CARNS1: variants seen among roughly 807,000 people sequenced by gnomAD.
CARNS1 encodes the protein ATP-grasp domain containing 1.
In CARNS1, 61 loss-of-function variants were observed where a neutral mutation model predicts 74.0. The ratio of observed to expected loss-of-function variants is 0.82; its 90% CI spans 0.67 to 1.02. The LOEUF (loss-of-function observed/expected upper bound fraction) is 1.02, where lower values mean the gene tolerates loss of function less well. CARNS1 is among the 50% of genes least tolerant of loss of function. The pLI is 0.00. For missense variants in CARNS1, 1,278 were observed against 1,308.4 expected (o/e 0.98, Z 0.36); for synonymous variants, 568 against 605.5 (o/e 0.94, Z 0.91).
intron 7 of CARNS1, 44 bp from the exon 8 acceptor site, chr11:67,420,565 G>C: frequency 2.6e-6 from 3 of 1,159,870 alleles, no homozygotes; most frequent in Admixed American, 4.2e-5. Flanking sequence ...GTGCGTGGGG[G>C]GCAGGGAGTG....
Position 67,424,874 on chromosome 11 carries a change from C to G in CARNS1, c.*273C>G. 1.6e-6 allele frequency: 1 copy of G among 630,302 alleles called. No individual in the cohort carries two copies. Among genetic ancestry groups the G allele is most frequent in the Non-Finnish European group, 2.9e-6 (1 of 341,810 alleles). 39.0% of individuals were successfully genotyped at this position (630,302 alleles called of 1,614,324 possible). A position where few individuals can be genotyped will look rare whatever the true frequency, so the allele number is the denominator to read the frequency against. ...AAATGACAATGGCCACACACACACA[C>G]ACACACACACACACACACCTCTGAC... On this transcript the variant is annotated 3_prime_UTR_variant, in exon 10 of 10. Transcript: ENST00000687366.
Position 67,419,499 on chromosome 11 carries a change from C to G in CARNS1, c.865C>G (p.Leu289Val). The change falls in exon 6 of 10, where the codon CTC becomes GTC. Residue 289 changes from leucine to valine, a missense_variant. Leu to Val is a conservative substitution (Grantham distance 32, BLOSUM62 1). Transcript: ENST00000687366. ...CTCCTTGCTGCAGGTAGCTGTGAAG[C>G]TCAGTGGCTGGCGCTGGCGGGGGCG... ...LGDILQVAVK[L>V]SGWRWRGRQA... The G allele has an allele frequency of 6.2e-7, 1 of 1,612,302 alleles. No individual in the cohort carries two copies. The highest frequency in any genetic ancestry group is 8.5e-7 in the Non-Finnish European group (1 of 1,179,636).
intron 2 of CARNS1, 159 bp from the exon 3 acceptor site, chr11:67,417,248 G>A (rs944714627): frequency 3.2e-6 from 4 of 1,236,432 alleles, no homozygotes; most frequent in Non-Finnish European, 4.0e-6. Context: ...CCATTAACAA[G>A]CCTTCGCCCC....
Position 67,419,548 on chromosome 11 carries a change from G to A in CARNS1, c.914G>A (p.Arg305Gln), listed in dbSNP as rs568921519. The change falls in exon 6 of 10, where the codon CGG (arginine) becomes CAG (glutamine). Residue 305 changes from arginine to glutamine, a missense_variant. By Grantham distance (43) the Arg-to-Gln change is conservative. Around this residue, in one of 3 missense-constraint regions of CARNS1, gnomAD observed 1,164 missense variants for 1,156.5 expected, o/e 1.01. Coordinates refer to ENST00000687366, the MANE Select transcript of CARNS1 (RefSeq NM_001166222.2). ...RGRQAWRLHP[R>Q]AELGAVVDTV... ...CGGCAGGCATGGCGTCTGCACCCGCGGGCAGAGCTGGGTGCAGTGGTGGAC... is the reference window on the plus strand; with the variant it reads ...CGGCAGGCATGGCGTCTGCACCCGCAGGCAGAGCTGGGTGCAGTGGTGGAC... 1.1e-4 allele frequency: 177 copies of A among 1,607,274 alleles called. No homozygotes were observed. Among genetic ancestry groups the A allele is most frequent in the African/African-American group, 1.5e-4 (11 of 74,982 alleles).
At position 67,424,300 on chromosome 11, in the gene CARNS1, C is replaced by A; in HGVS notation, c.2552C>A (p.Thr851Asn). The change falls in exon 10 of 10, where the codon ACC becomes AAC. Residue 851 changes from threonine to asparagine, a missense_variant. Coordinates refer to ENST00000687366, the MANE Select transcript of CARNS1 (RefSeq NM_001166222.2). ...TGTGGCTTGCGTCCTGCCCTGCCCA[C>A]CCGCCCACGTGCTCGTGGCCATCTG... ...VACGLRPALP[T>N]RPRARGHLVG... 6.2e-7 allele frequency: 1 copy of A among 1,612,150 alleles called. No homozygotes were observed. Among genetic ancestry groups the A allele is most frequent in the Non-Finnish European group, 8.5e-7 (1 of 1,179,534 alleles).
rs780341051 is a variant in CARNS1, at chr11:67,418,845, G to T, written c.454G>T (p.Ala152Ser). ...PGEAALLVSK[A>S]VSFHPGGLTF... The stretch of plus-strand genomic sequence containing the variant: ...TGAGGCAGCCCTGCTAGTCTCCAAG[G>T]CTGTGAGCTTCCACCCTGGGGGCCT... Residue 152 changes from alanine (A) to serine (S), a missense_variant, in exon 5 of 10, where the codon GCT becomes TCT. Physicochemically the swap from Ala to Ser is moderately conservative, Grantham distance 99 (BLOSUM62 1). Coordinates refer to ENST00000687366, the MANE Select transcript of CARNS1 (RefSeq NM_001166222.2). 19 of 1,601,028 alleles carry T rather than the reference G, an allele frequency of 1.2e-5. No individual in the cohort carries two copies. The Admixed American group carries it at 3.3e-4, about 27-fold the overall frequency.
chr11:67,417,949 G>T (rs1463213755), intron 3 of CARNS1, among the ~76,000 whole-genome samples: 1 of 152,318 alleles, frequency 6.6e-6, no homozygotes, highest in African/African-American at 2.4e-5. Flanking sequence ...GTGTGGCACC[G>T]AAGCTTCTAG....
In CARNS1 at chr11:67,421,073, G is replaced by C. The variant is rs1863684356; in HGVS notation, c.1480G>C (p.Asp494His). 1 of 1,368,972 alleles carries C rather than the reference G, an allele frequency of 7.3e-7. No individual in the cohort carries two copies. The highest frequency in any genetic ancestry group is 1.5e-5 in the African/African-American group (1 of 65,204). 84.8% of individuals were successfully genotyped at this position (1,368,972 alleles called of 1,614,324 possible). A position where few individuals can be genotyped will look rare whatever the true frequency, so the allele number is the denominator to read the frequency against. Reference sequence around the variant, plus strand: ...CGCGCCGCGGCTGGGGCCGGCGGCCGACGAGGCGGTGGCGGCGCCGCTGGT... The same window carrying C: ...CGCGCCGCGGCTGGGGCCGGCGGCCCACGAGGCGGTGGCGGCGCCGCTGGT... ...WAAPRLGPAA[D>H]EAVAAPLVET... The change falls in exon 9 of 10, where the codon GAC (aspartate) becomes CAC (histidine). Residue 494 changes from aspartate to histidine, a missense_variant. Asp to His is a moderately conservative substitution (Grantham distance 81). Coordinates refer to ENST00000687366, the MANE Select transcript of CARNS1 (RefSeq NM_001166222.2).
At chr11:67,421,386 G>A (rs2135093737) in intron 9 of CARNS1, among the ~76,000 whole-genome samples, 167 bp downstream of exon 9, 1 of 152,352 alleles carries the variant, frequency 6.6e-6, no homozygotes, top group Middle Eastern at 3.4e-3. Context: ...AAGCCCAGGA[G>A]TAAGGGCGGA....
rs1042113925 is a variant in CARNS1, at chr11:67,422,921, C to T, written c.1627-454C>T. Among the ~76,000 whole-genome samples, 4 of 152,222 alleles carry T rather than the reference C, an allele frequency of 2.6e-5. No homozygotes were observed. The South Asian group carries it at 8.3e-4, about 31-fold the overall frequency. On this transcript the variant is annotated intron_variant, in intron 9 of 9. Transcript: ENST00000687366. ...GGGCACGGGGCCCCACTGGATTCCT[C>T]CGTGGACACTTCCCAGTGTCAGAGC...
chr11:67,422,099 C>T (rs1365175883), intron 9 of CARNS1, among the ~76,000 whole-genome samples: 2 of 151,062 alleles, frequency 1.3e-5, no homozygotes, highest in African/African-American at 2.4e-5. Context: ...GTCTCGATCT[C>T]CTGACCTCGT....
In CARNS1 at chr11:67,422,004, C is replaced by T. The variant is rs543644294; in HGVS notation, c.1626+785C>T. Among the ~76,000 whole-genome samples, 26 of 151,780 alleles carry T rather than the reference C, an allele frequency of 1.7e-4. No individual in the cohort carries two copies. The South Asian group carries it at 4.6e-3, about 27-fold the overall frequency. ...TCACGCCATTCTCCTGCCTCAGGCT[C>T]CCGAGTACCTGGGACTACAGGCGCC... On this transcript the variant is annotated intron_variant, in intron 9 of 9. Transcript: ENST00000687366.
At chr11:67,417,770 T>C in intron 3 of CARNS1, 93 bp downstream of exon 3, 1 of 923,230 alleles carries the variant, frequency 1.1e-6, no homozygotes, top group Non-Finnish European at 1.4e-6. Flanking sequence ...GGTCGGCCCC[T>C]TCCCCTAGGC....
In CARNS1 at chr11:67,424,350, C is replaced by A. The variant is rs776538281; in HGVS notation, c.2602C>A (p.Gln868Lys). 57 of 1,605,370 alleles carry A rather than the reference C, an allele frequency of 3.6e-5. No homozygotes were observed. Among genetic ancestry groups the A allele is most frequent in the Non-Finnish European group, 4.1e-5 (48 of 1,176,358 alleles). The change falls in exon 10 of 10, where the codon CAG becomes AAG. Residue 868 changes from glutamine (Q) to lysine (K), a missense_variant. Physicochemically the swap from Gln to Lys is moderately conservative, Grantham distance 53 (BLOSUM62 1). This residue lies in a region of CARNS1 where 1,164 missense variants were observed against 1,156.5 expected (regional missense o/e 1.01). Coordinates refer to ENST00000687366, the MANE Select transcript of CARNS1 (RefSeq NM_001166222.2). ...HLVGVMCLVS[Q>K]HLQALSSTAS... ...GGTGGGCGTCATGTGCCTTGTGTCC[C>A]AGCACCTGCAGGCCCTGAGTTCCAC...
Position 67,423,520 on chromosome 11 carries a change from A to C in CARNS1, c.1772A>C (p.Asp591Ala), listed in dbSNP as rs1222597747. 1 of 1,613,604 alleles carries C rather than the reference A, an allele frequency of 6.2e-7. No individual in the cohort carries two copies. The highest frequency in any genetic ancestry group is 8.5e-7 in the Non-Finnish European group (1 of 1,179,762). ...GTGCGGGCTCGCGGCCTCAAGCTAG[A>C]TGGCTGCTTCTCCTACTGGGATGAC... Reference protein sequence around the residue: ...ELVRARGLKLDGCFSYWDDCL... With the variant: ...ELVRARGLKLAGCFSYWDDCL... The change falls in exon 10 of 10, where the codon GAT (aspartate) becomes GCT (alanine). Residue 591 changes from aspartate to alanine, a missense_variant. Physicochemically the swap from Asp to Ala is moderately radical, Grantham distance 126. Coordinates refer to ENST00000687366, the MANE Select transcript of CARNS1 (RefSeq NM_001166222.2). This position sits in a 1 kb window ranked among gnomAD's most constrained non-coding sequence, Gnocchi z 5.1.
In CARNS1 at chr11:67,425,131, G is replaced by C; in HGVS notation, c.*530G>C. On this transcript the variant is annotated 3_prime_UTR_variant, in exon 10 of 10. Coordinates refer to ENST00000687366, the MANE Select transcript of CARNS1 (RefSeq NM_001166222.2). Reference sequence around the variant, plus strand: ...GCATCCAACCTGCCTCATTCGGCCTGACCGGTAGAGGCAGGTGGCCTGTGG... The same window carrying C: ...GCATCCAACCTGCCTCATTCGGCCTCACCGGTAGAGGCAGGTGGCCTGTGG... 1 of 455,084 alleles carries C rather than the reference G, an allele frequency of 2.2e-6. No homozygotes were observed. The highest frequency in any genetic ancestry group is 4.4e-6 in the Non-Finnish European group (1 of 226,246). The allele number at this position is 455,084 out of a possible 1,614,324, so 28.2% of individuals were successfully genotyped here. A position where few individuals can be genotyped will look rare whatever the true frequency, so the allele number is the denominator to read the frequency against.
intron 9 of CARNS1, among the ~76,000 whole-genome samples, chr11:67,422,754 G>A (rs1270772808): frequency 5.9e-5 from 9 of 152,188 alleles, no homozygotes; most frequent in Non-Finnish European, 1.3e-4. Flanking sequence ...CACCACCTCT[G>A]TGTCCCCTGC....
chr11:67,421,609 T>C (rs1057108819), intron 9 of CARNS1, among the ~76,000 whole-genome samples: 2 of 152,304 alleles, frequency 1.3e-5, no homozygotes, highest in Admixed American at 6.5e-5. Context: ...GTTGAATTCC[T>C]GACACTTGGC....
intron 2 of CARNS1, 178 bp downstream of exon 2, chr11:67,416,380 C>T (rs1863545287): frequency 6.9e-7 from 1 of 1,440,100 alleles, no homozygotes; most frequent in Non-Finnish European, 9.1e-7. Context: ...GGTGGGCACT[C>T]TTAGTGCCCT....
Sources: allele counts gnomAD v4.1 joint callset (sites outside exome capture counted in the v4.1 genomes callset), GRCh38; gene constraint gnomAD v4.1.1; regional missense constraint gnomAD v4.1.1; non-coding constraint Gnocchi (gnomAD v3.1); transcripts MANE v1.5; gene names NCBI Gene and HGNC (gene_info 2026-07-23, HGNC 2026-07-21).